Variants in TBC1D19 observed in about 807,000 individuals in gnomAD.
The protein encoded by TBC1D19 is TBC1 domain family, member 19.
Under a neutral mutation model 89.0 loss-of-function variants are expected in TBC1D19, and 60 were observed. The observed-to-expected ratio is 0.67, with a 90% confidence interval of 0.55 to 0.84. The LOEUF is 0.84. Among genes scored for constraint, TBC1D19 ranks in the 40% least tolerant of loss-of-function variants. TBC1D19 has a pLI of 0.00. For missense variants in TBC1D19, 500 were observed against 610.8 expected, an observed-to-expected ratio of 0.82 and a Z score of 1.91; for synonymous variants, 189 against 199.7, an observed-to-expected ratio of 0.95 and a Z score of 0.45.
the TBC1D19 span, among the ~76,000 whole-genome samples, chr4:26,801,865 G>A: frequency 1.3e-5 from 2 of 152,154 alleles, no homozygotes; most frequent in Admixed American, 1.3e-4. Flanking sequence ...AAGTTACAAT[G>A]AGACAAGAAT....
intron 13 of TBC1D19, among the ~76,000 whole-genome samples, chr4:26,716,063 T>A (rs1000234683): frequency 1.1e-4 from 16 of 152,158 alleles, no homozygotes; most frequent in African/African-American, 3.9e-4. Flanking sequence ...TTCCCCTTTA[T>A]CTTGTTTCCA....
chr4:26,641,236 G>A (rs1170268720), intron 7 of TBC1D19, among the ~76,000 whole-genome samples: 2 of 152,226 alleles, frequency 1.3e-5, no homozygotes, highest in Non-Finnish European at 2.9e-5. Context: ...TTGCTCTTCT[G>A]CAATATTTGC....
chr4:26,792,444 C>A, the TBC1D19 span, among the ~76,000 whole-genome samples: 1 of 151,994 alleles, frequency 6.6e-6, no homozygotes, highest in African/African-American at 2.4e-5. Context: ...ATGGCAATGG[C>A]AAATTTAGAC....
At chr4:26,796,312 AGT>A in the TBC1D19 span, among the ~76,000 whole-genome samples, 11 of 152,208 alleles carry the variant, frequency 7.2e-5, no homozygotes, top group Non-Finnish European at 1.6e-4. Flanking sequence ...GCAATGTGAG[AGT>A]GTGTTCACCC....
At chr4:26,850,365 T>C in the TBC1D19 span, among the ~76,000 whole-genome samples, 1 of 150,514 alleles carries the variant, frequency 6.6e-6, no homozygotes, top group African/African-American at 2.5e-5. Flanking sequence ...CTGGGAAACA[T>C]GGTGAAACCT....
upstream of TBC1D19, among the ~76,000 whole-genome samples, chr4:26,581,973 AC>A (rs1739074990): frequency 1.3e-5 from 2 of 149,550 alleles, no homozygotes; most frequent in South Asian, 4.2e-4. Context: ...GGATTAAGGG[AC>A]TTTTTTTTTT....
At chr4:26,578,192 C>T (rs1486554634) in intron 1 of TBC1D19, among the ~76,000 whole-genome samples, 4 of 152,184 alleles carry the variant, frequency 2.6e-5, no homozygotes, top group African/African-American at 4.8e-5. Flanking sequence ...TTACAGTGGG[C>T]CCGCCAGTTA....
chr4:26,775,604 A>T, the TBC1D19 span, among the ~76,000 whole-genome samples: 44 of 152,278 alleles, frequency 2.9e-4, no homozygotes, highest in African/African-American at 1.0e-3. Context: ...CCACCATCAG[A>T]TGACACAGCA....
the TBC1D19 span, among the ~76,000 whole-genome samples, chr4:26,809,901 C>G: frequency 6.6e-6 from 1 of 152,226 alleles, no homozygotes; most frequent in African/African-American, 2.4e-5. Context: ...CCACATTATT[C>G]CATCTGAATA....
chr4:26,601,454 C>T (rs1740602204), intron 1 of TBC1D19, among the ~76,000 whole-genome samples: 1 of 152,010 alleles, frequency 6.6e-6, no homozygotes, highest in Admixed American at 6.6e-5. Flanking sequence ...AAGAAGAATG[C>T]AAATGAATAA....
At chr4:26,833,347 A>G in the TBC1D19 span, among the ~76,000 whole-genome samples, 1 of 152,168 alleles carries the variant, frequency 6.6e-6, no homozygotes, top group Non-Finnish European at 1.5e-5. Flanking sequence ...TAGGAGCAGT[A>G]AATTCACCCT....
chr4:26,641,451 A>G lies in TBC1D19; in HGVS notation c.480+1264A>G, dbSNP rs1743518057. 2.0e-5 allele frequency among the ~76,000 whole-genome samples: 3 copies of G among 152,368 alleles called. No homozygotes were observed. In the South Asian group the frequency reaches 6.2e-4, roughly 32 times the overall value. On this transcript the variant is annotated intron_variant, in intron 7 of 20. Transcript: ENST00000264866. ...CCATCATCAAAGACCAAAGGTAGAT[A>G]AAACCACAAACATGGGGAGAAACCA...
At chr4:26,810,807 A>G in the TBC1D19 span, among the ~76,000 whole-genome samples, 7 of 152,184 alleles carry the variant, frequency 4.6e-5, no homozygotes, top group South Asian at 2.1e-4. Flanking sequence ...AAGTTCCAGA[A>G]TGCAGGAACT....
At chr4:26,589,268 C>T (rs1739619776) in intron 1 of TBC1D19, among the ~76,000 whole-genome samples, 1 of 151,878 alleles carries the variant, frequency 6.6e-6, no homozygotes, top group African/African-American at 2.4e-5. Context: ...GAGCGAGACT[C>T]CATCTCAAAA....
intron 1 of TBC1D19, among the ~76,000 whole-genome samples, chr4:26,599,490 C>G (rs1168726244): frequency 1.3e-5 from 2 of 152,096 alleles, no homozygotes; most frequent in Non-Finnish European, 2.9e-5. Flanking sequence ...TAGATTTCCC[C>G]ACCCCCCACC....
chr4:26,669,567 GC>G (rs1453290724), intron 9 of TBC1D19, among the ~76,000 whole-genome samples: 2 of 151,680 alleles, frequency 1.3e-5, no homozygotes, highest in Non-Finnish European at 3.0e-5. Context: ...ACAGAAAATA[GC>G]ATTTAAAAAG....
intron 13 of TBC1D19, among the ~76,000 whole-genome samples, chr4:26,706,259 G>A (rs897880486): frequency 2.0e-5 from 3 of 152,238 alleles, no homozygotes; most frequent in African/African-American, 2.4e-5. Flanking sequence ...AGTCTTGGTT[G>A]ACTTTGTGTT....
chr4:26,611,091 T>C (rs770066132), intron 1 of TBC1D19, among the ~76,000 whole-genome samples: 38 of 152,130 alleles, frequency 2.5e-4, no homozygotes, highest in Admixed American at 4.6e-4. Flanking sequence ...CCCTTTTCTC[T>C]ACAGCCTCCC....
intron 13 of TBC1D19, among the ~76,000 whole-genome samples, chr4:26,696,741 C>A (rs1337152500): frequency 6.6e-6 from 1 of 152,196 alleles, no homozygotes; most frequent in Non-Finnish European, 1.5e-5. Context: ...AACTGAACAA[C>A]CTGGTCCTGA....
Sources: gnomAD v4.1 joint callset for allele counts (sites outside exome capture counted in the v4.1 genomes callset) on GRCh38, gnomAD v4.1.1 for gene constraint, MANE v1.5 for transcripts, NCBI Gene and HGNC (gene_info 2026-07-23, HGNC 2026-07-21) for gene names.